The following ELAC1 variants were observed in gnomAD, a reference collection of about 807,000 sequenced individuals.
ELAC1 encodes the protein zinc phosphodiesterase ELAC protein 1.
ELAC1 carries 19 observed loss-of-function variants against 25.8 expected under a neutral mutation model. The observed-to-expected ratio is 0.74, with a 90% CI of 0.51 to 1.08. The LOEUF (loss-of-function observed/expected upper bound fraction) is 1.08, where lower values mean the gene tolerates loss of function less well. ELAC1 is among the 50% of genes least tolerant of loss of function. The pLI is 0.00. For synonymous variants in ELAC1, 148 were observed against 160.9 expected (o/e 0.92, Z 0.61); for missense variants, 403 against 434.6 (o/e 0.93, Z 0.65).
In ELAC1 at chr18:50,984,576, T is replaced by G; in HGVS notation, c.625+13T>G. On this transcript the variant is annotated intron_variant, in intron 3 of 3. Coordinates refer to ENST00000269466, the MANE Select transcript of ELAC1 (RefSeq NM_018696.3). ...CTTAAAGACCTTGGTAAGTGTTTTTTTGTTTTTTGTTTTTTCCCGCCTTCT... is the reference window on the plus strand; with the variant it reads ...CTTAAAGACCTTGGTAAGTGTTTTTGTGTTTTTTGTTTTTTCCCGCCTTCT... 1 of 1,583,680 alleles carries G rather than the reference T, an allele frequency of 6.3e-7. No homozygotes were observed.
Position 50,987,185 on chromosome 18 carries a change from C to T in ELAC1, c.*100C>T. ...TTGTTTTAGTCTGAAATTATTTGGGCCCTAATAATCCTAAAAAGAATGGAG... is the reference window on the plus strand; with the variant it reads ...TTGTTTTAGTCTGAAATTATTTGGGTCCTAATAATCCTAAAAAGAATGGAG... On this transcript the variant is annotated 3_prime_UTR_variant, in exon 4 of 4. Coordinates refer to ENST00000269466, the MANE Select transcript of ELAC1 (RefSeq NM_018696.3). 1.1e-6 allele frequency: 1 copy of T among 871,268 alleles called. No homozygotes were observed. Among genetic ancestry groups the T allele is most frequent in the East Asian group, 2.8e-5 (1 of 36,120 alleles). The allele number at this position is 871,268 out of a possible 1,614,324, so 54.0% of individuals were successfully genotyped here.
rs765431123 is a variant in ELAC1, at chr18:50,987,062, A to C, written c.1069A>C (p.Ile357Leu). The C allele has an allele frequency of 4.7e-5, 73 of 1,549,562 alleles. No individual in the cohort carries two copies. Among genetic ancestry groups the C allele is most frequent in the Non-Finnish European group, 6.3e-5 (72 of 1,147,880 alleles). Reference protein sequence around the residue: ...EVTLAEDFMVISIPIKK With the variant: ...EVTLAEDFMVLSIPIKK ...GACTCTAGCAGAAGATTTTATGGTG[A>C]TAAGCATTCCAATCAAGAAATGAAA... The change falls in exon 4 of 4, where the codon ATA becomes CTA. Residue 357 changes from isoleucine (I) to leucine (L), a missense_variant. Ile to Leu is a conservative substitution (Grantham distance 5). Transcript: ENST00000269466.
intron 2 of ELAC1, among the ~76,000 whole-genome samples, chr18:50,980,461 C>T (rs1038443683): frequency 2.6e-5 from 4 of 151,730 alleles, no homozygotes; most frequent in Admixed American, 6.6e-5. Flanking sequence ...CATTTCTATA[C>T]GCTTAGAAAA....
intron 2 of ELAC1, among the ~76,000 whole-genome samples, chr18:50,979,063 T>C (rs550508191): frequency 6.6e-6 from 1 of 152,270 alleles, no homozygotes; most frequent in South Asian, 2.1e-4. Context: ...TTTTAGACAG[T>C]AGGAGTTGAG....
In ELAC1 at chr18:50,984,536, C is replaced by G. The variant is rs767153637; in HGVS notation, c.598C>G (p.Leu200Val). The change falls in exon 3 of 4, where the codon CTC (leucine) becomes GTC (valine). Residue 200 changes from leucine (L) to valine (V), a missense_variant. Coordinates refer to ENST00000269466, the MANE Select transcript of ELAC1 (RefSeq NM_018696.3). ...CGTGGAAAAGAAACGCCCAGGTAAACTCAATGCACAGAAACTTAAAGACCT... is the reference window on the plus strand; with the variant it reads ...CGTGGAAAAGAAACGCCCAGGTAAAGTCAATGCACAGAAACTTAAAGACCT... ...SVVEKKRPGK[L>V]NAQKLKDLGV... 3.1e-6 allele frequency: 5 copies of G among 1,613,460 alleles called. No homozygotes were observed. The highest frequency in any genetic ancestry group is 4.2e-6 in the Non-Finnish European group (5 of 1,179,828).
chr18:50,979,641 C>T (rs778146566), intron 2 of ELAC1, among the ~76,000 whole-genome samples: 6 of 152,116 alleles, frequency 3.9e-5, no homozygotes, highest in Non-Finnish European at 7.4e-5. Flanking sequence ...GATTGTAGGA[C>T]GTGAACACCA....
chr18:50,984,667 C>T (rs1412014282), intron 3 of ELAC1, 104 bp downstream of exon 3: 7 of 870,228 alleles, frequency 8.0e-6, no homozygotes, highest in African/African-American at 3.4e-5. Flanking sequence ...AGTTGTGGCT[C>T]ACGCCTGTAA....
chr18:50,969,157 AC>A (rs754451333), intron 1 of ELAC1: 1 of 152,188 alleles, frequency 6.6e-6, no homozygotes, highest in Non-Finnish European at 1.5e-5. Context: ...CTTTCCTCTT[AC>A]CCAGTTTGTC....
chr18:50,973,836 TG>T (rs970665170), intron 1 of ELAC1, among the ~76,000 whole-genome samples: 25 of 152,098 alleles, frequency 1.6e-4, no homozygotes, highest in African/African-American at 6.0e-4. Context: ...TAAGGGCTCA[TG>T]AAAAAAAAAT....
intron 3 of ELAC1, chr18:50,984,823 T>C (rs1908056826): frequency 1.9e-6 from 1 of 526,898 alleles, no homozygotes; most frequent in Non-Finnish European, 3.3e-6. Context: ...TCCCAGCTAC[T>C]TGGGGGGCTG....
Position 50,986,815 on chromosome 18 carries a change from C to G in ELAC1, c.822C>G (p.His274Gln), listed in dbSNP as rs759447873. The G allele has an allele frequency of 6.2e-7, 1 of 1,614,136 alleles. No homozygotes were observed. The highest frequency in any genetic ancestry group is 1.1e-5 in the South Asian group (1 of 91,086). The change falls in exon 4 of 4, where the codon CAC becomes CAG. Residue 274 changes from histidine to glutamine, a missense_variant. Physicochemically the swap from His to Gln is conservative, Grantham distance 24. Coordinates refer to ENST00000269466, the MANE Select transcript of ELAC1 (RefSeq NM_018696.3). ...KLCFEADLLI[H>Q]EATLDDAQMD... Reference sequence around the variant, plus strand: ...GCTTTGAAGCAGACCTGTTGATCCACGAAGCAACCCTGGATGATGCCCAGA... The same window carrying G: ...GCTTTGAAGCAGACCTGTTGATCCAGGAAGCAACCCTGGATGATGCCCAGA...
intron 2 of ELAC1, among the ~76,000 whole-genome samples, chr18:50,982,047 A>G (rs1325500544): frequency 6.6e-6 from 1 of 151,912 alleles, no homozygotes; most frequent in Non-Finnish European, 1.5e-5. Flanking sequence ...GGTTTCTCCA[A>G]GTTGATCAGA....
chr18:50,976,776 C>G (rs978041453), intron 2 of ELAC1, among the ~76,000 whole-genome samples: 1 of 152,222 alleles, frequency 6.6e-6, no homozygotes, highest in African/African-American at 2.4e-5. Context: ...TCCAAAGTCT[C>G]ATCTGAAACA....
chr18:50,970,261 G>C (rs1430009275), intron 1 of ELAC1, among the ~76,000 whole-genome samples: 1 of 152,084 alleles, frequency 6.6e-6, no homozygotes, highest in African/African-American at 2.4e-5. Flanking sequence ...GACCTTCACT[G>C]ATATGTTTTA....
chr18:50,969,815 C>T (rs904411919), intron 1 of ELAC1: 1 of 152,154 alleles, frequency 6.6e-6, no homozygotes, highest in Non-Finnish European at 1.5e-5. Context: ...ATGCTAATCT[C>T]TACTTCTGTA....
At chr18:50,985,904 A>G (rs1313628128) in intron 3 of ELAC1, among the ~76,000 whole-genome samples, 1 of 151,960 alleles carries the variant, frequency 6.6e-6, no homozygotes, top group Non-Finnish European at 1.5e-5. Flanking sequence ...ATAATGTACA[A>G]TTGCCTGAAA....
At chr18:50,970,887 T>C (rs748203481) in intron 1 of ELAC1, among the ~76,000 whole-genome samples, 3 of 152,016 alleles carry the variant, frequency 2.0e-5, no homozygotes, top group Non-Finnish European at 4.4e-5. Flanking sequence ...CATCAGACTT[T>C]CTCTGTCTTA....
At chr18:50,976,152 C>T (rs1011723061) in intron 2 of ELAC1, among the ~76,000 whole-genome samples, 24 of 152,048 alleles carry the variant, frequency 1.6e-4, no homozygotes, top group African/African-American at 5.8e-4. Flanking sequence ...AAAAAGGAAC[C>T]ATTCATGTTT....
chr18:50,986,491 A>T, intron 3 of ELAC1, 128 bp from the exon 4 acceptor site: 3 of 736,204 alleles, frequency 4.1e-6, no homozygotes, highest in Non-Finnish European at 4.4e-6. Context: ...GTTTTCCACA[A>T]GTAGTAAAAC....
Sources: allele counts gnomAD v4.1 joint callset (sites outside exome capture counted in the v4.1 genomes callset), GRCh38; gene constraint gnomAD v4.1.1; transcripts MANE v1.5; gene names NCBI Gene and HGNC (gene_info 2026-07-23, HGNC 2026-07-21).